ABCC1: variants seen among roughly 807,000 people sequenced by gnomAD.
ABCC1 encodes multidrug resistance-associated protein 1.
Under a neutral mutation model 172.9 loss-of-function variants are expected in ABCC1, and 83 were observed. That is an observed-to-expected ratio of 0.48 (90% CI 0.40 to 0.58). The LOEUF (loss-of-function observed/expected upper bound fraction) is 0.58. Among genes scored for constraint, ABCC1 ranks in the 20% least tolerant of loss-of-function variants. The probability of loss-of-function intolerance (pLI) is 0.00; values close to 1 mark genes in which losing one functional copy is unlikely to be tolerated. For missense variants in ABCC1, 1,817 were observed against 2,002.7 expected, an observed-to-expected ratio of 0.91 and a Z score of 1.77; for synonymous variants, 937 against 825.2, an observed-to-expected ratio of 1.14 and a Z score of -2.32.
At chr16:16,096,029 G>T (rs2152037640) in intron 19 of ABCC1, among the ~76,000 whole-genome samples, 1 of 152,278 alleles carries the variant, frequency 6.6e-6, no homozygotes, top group East Asian at 1.9e-4. Flanking sequence ...GACTTTGGGA[G>T]GCCAAGGTAG....
In ABCC1 at chr16:16,110,519, A is replaced by G. The variant is rs562744396; in HGVS notation, c.2872-856A>G. The stretch of plus-strand genomic sequence containing the variant: ...ATTCTCTTGCCTCAGCCTCCCGAGT[A>G]GCTGAGATGACATGTGCCTACCACC... On this transcript the variant is annotated intron_variant, in intron 21 of 30. Transcript: ENST00000399410. 1.2e-4 allele frequency among the ~76,000 whole-genome samples: 19 copies of G among 152,108 alleles called. No homozygotes were observed. The South Asian group carries it at 2.9e-3, about 23-fold the overall frequency.
chr16:16,043,385 G>A (rs550762432), intron 7 of ABCC1, among the ~76,000 whole-genome samples: 124 of 150,008 alleles, frequency 8.3e-4, no homozygotes, highest in Non-Finnish European at 1.6e-3. Flanking sequence ...CACAACCTCC[G>A]CCTCCTGGGT....
chr16:16,068,377 C>T (rs894399252), intron 13 of ABCC1, 75 bp downstream of exon 13: 41 of 1,551,160 alleles, frequency 2.6e-5, no homozygotes, highest in African/African-American at 1.2e-4. Flanking sequence ...GAAGTGCCCC[C>T]GAGCGCAGCC....
At chr16:16,005,127 C>G (rs1362721695) in intron 1 of ABCC1, among the ~76,000 whole-genome samples, 1 of 144,728 alleles carries the variant, frequency 6.9e-6, no homozygotes, top group Non-Finnish European at 1.5e-5. Context: ...GTCTGGGTTC[C>G]TTGACACTCC....
chr16:16,083,287 G>A, intron 16 of ABCC1, 79 bp from the exon 17 acceptor site: 4 of 1,440,484 alleles, frequency 2.8e-6, no homozygotes, highest in Non-Finnish European at 3.8e-6. Flanking sequence ...CCTCCTAGCA[G>A]GCGGGTGGGC....
chr16:16,049,760 T>C (rs147411037), intron 10 of ABCC1, among the ~76,000 whole-genome samples: 2,026 of 152,272 alleles, frequency 0.013, 44 homozygotes, highest in African/African-American at 0.046. Flanking sequence ...CTTGGCTCGC[T>C]GCAACCTCTG....
intron 3 of ABCC1, among the ~76,000 whole-genome samples, chr16:16,014,045 C>T (rs958684922): frequency 6.6e-6 from 1 of 152,190 alleles, no homozygotes; most frequent in Non-Finnish European, 1.5e-5. Context: ...CATGTCCATT[C>T]ATTAACATCT....
intron 12 of ABCC1, among the ~76,000 whole-genome samples, chr16:16,057,783 G>A (rs2049731832): frequency 6.6e-6 from 1 of 151,922 alleles, no homozygotes; most frequent in Admixed American, 6.6e-5. Flanking sequence ...TTTTTTGGGG[G>A]GTTTTGTTTT....
chr16:16,113,299 A>G (rs554677269), intron 22 of ABCC1, among the ~76,000 whole-genome samples: 47 of 152,348 alleles, frequency 3.1e-4, no homozygotes, highest in African/African-American at 1.1e-3. Flanking sequence ...CGTCTGTTCC[A>G]GAGCTGTGCT....
chr16:16,044,301 G>GT (rs2151876075), intron 7 of ABCC1, 149 bp from the exon 8 acceptor site: 1 of 713,122 alleles, frequency 1.4e-6, no homozygotes, highest in South Asian at 1.9e-5. Context: ...GCCCGTGTTT[G>GT]TAACCACTGT....
intron 12 of ABCC1, among the ~76,000 whole-genome samples, chr16:16,058,339 C>G (rs1292277202): frequency 6.6e-6 from 1 of 151,632 alleles, no homozygotes; most frequent in Non-Finnish European, 1.5e-5. Flanking sequence ...ATGTTGTGCT[C>G]ATTACAACTA....
chr16:16,017,369 T>C (rs1029561141), intron 5 of ABCC1, among the ~76,000 whole-genome samples: 2 of 152,090 alleles, frequency 1.3e-5, no homozygotes, highest in Non-Finnish European at 2.9e-5. Flanking sequence ...TAGCTGGAAT[T>C]ACAGGCACAC....
intron 1 of ABCC1, among the ~76,000 whole-genome samples, chr16:15,983,844 C>G (rs1212295633): frequency 6.6e-6 from 1 of 152,272 alleles, no homozygotes; most frequent in East Asian, 1.9e-4. Context: ...GTACAAGCCA[C>G]CGCGCCTGGC....
intron 21 of ABCC1, 63 bp from the exon 22 acceptor site, chr16:16,111,311 TG>T: frequency 7.5e-7 from 1 of 1,324,982 alleles, no homozygotes; most frequent in Non-Finnish European, 1.0e-6. Context: ...CCCGACCTTG[TG>T]GGGCTGGGGC....
intron 1 of ABCC1, 59 bp from the exon 2 acceptor site, chr16:16,007,757 C>T (rs45538832): frequency 0.01 from 15,425 of 1,499,924 alleles, 117 homozygotes; most frequent in Middle Eastern, 0.017. Flanking sequence ...ATGCTCCAGG[C>T]GAGCTCCTGT....
chr16:16,117,703 C>A (rs988651198), intron 23 of ABCC1, among the ~76,000 whole-genome samples: 2 of 152,174 alleles, frequency 1.3e-5, no homozygotes, highest in African/African-American at 2.4e-5. Flanking sequence ...GTCAGGAGTT[C>A]GAGAGCAGCC....
intron 7 of ABCC1, among the ~76,000 whole-genome samples, chr16:16,037,586 G>A (rs1034425477): frequency 6.6e-6 from 1 of 152,192 alleles, no homozygotes; most frequent in Non-Finnish European, 1.5e-5. Context: ...AGTGGATTGC[G>A]GCCATGGGGG....
chr16:16,039,209 T>TGTGTGTGTGTGTG (rs1567337811), intron 7 of ABCC1, among the ~76,000 whole-genome samples: 1 of 137,132 alleles, frequency 7.3e-6, no homozygotes, highest in Non-Finnish European at 1.5e-5. Context: ...GAGGAAGCTT[T>TGTGTGTGTGTGTG]TGTGTGTGTG....
At chr16:15,986,226 C>T (rs577294695) in intron 1 of ABCC1, among the ~76,000 whole-genome samples, 21 of 152,288 alleles carry the variant, frequency 1.4e-4, no homozygotes, top group African/African-American at 2.2e-4. Flanking sequence ...TGAGCCACCA[C>T]GCCCTGCCTC....
Sources: allele counts gnomAD v4.1 joint callset (sites outside exome capture counted in the v4.1 genomes callset), GRCh38; gene constraint gnomAD v4.1.1; transcripts MANE v1.5; gene names NCBI Gene and HGNC (gene_info 2026-07-23, HGNC 2026-07-21).